Variants in KIAA1217 observed in about 807,000 individuals in gnomAD.
The protein encoded by KIAA1217 is KIAA1217.
A neutral mutation model predicts 163.9 loss-of-function variants in KIAA1217; 88 were observed. That is an observed-to-expected ratio of 0.54 (90% confidence interval 0.45 to 0.64). The LOEUF (loss-of-function observed/expected upper bound fraction) is 0.64, where lower values mean the gene tolerates loss of function less well. Ranked by LOEUF, KIAA1217 falls within the 30% of genes least tolerant of loss-of-function variation. The pLI is 0.00. For synonymous variants in KIAA1217, 903 were observed against 923.1 expected, an observed-to-expected ratio of 0.98 and a Z score of 0.39; for missense variants, 2,372 against 2,475.0, an observed-to-expected ratio of 0.96 and a Z score of 0.88.
chr10:23,901,472 C>T (rs1031581989), intron 1 of KIAA1217, among the ~76,000 whole-genome samples: 2 of 151,926 alleles, frequency 1.3e-5, no homozygotes, highest in African/African-American at 4.8e-5. Flanking sequence ...AGAACACAAC[C>T]ATAAGAAAAT....
At chr10:24,508,637 A>T (rs1381102127) in intron 9 of KIAA1217, among the ~76,000 whole-genome samples, 2 of 152,252 alleles carry the variant, frequency 1.3e-5, no homozygotes, top group Non-Finnish European at 2.9e-5. Context: ...CTTGAGCAAG[A>T]TCACAAGAAT....
chr10:23,792,668 A>ATT (rs898188577), intron 1 of KIAA1217, among the ~76,000 whole-genome samples: 13 of 129,552 alleles, frequency 1.0e-4, no homozygotes, highest in African/African-American at 3.3e-4. Flanking sequence ...AATTTTTTGT[A>ATT]TTTTTTTTTT....
intron 2 of KIAA1217, among the ~76,000 whole-genome samples, chr10:24,109,412 G>C (rs1192684695): frequency 6.6e-6 from 1 of 151,766 alleles, no homozygotes; most frequent in African/African-American, 2.4e-5. Flanking sequence ...ATGTTTGCAA[G>C]ATAGATTACT....
At chr10:23,958,175 A>C (rs913564975) in intron 1 of KIAA1217, among the ~76,000 whole-genome samples, 4 of 152,232 alleles carry the variant, frequency 2.6e-5, no homozygotes, top group African/African-American at 4.8e-5. Flanking sequence ...AATAGAGGGA[A>C]GGTCCTGCCT....
intron 1 of KIAA1217, among the ~76,000 whole-genome samples, chr10:23,797,156 A>T (rs1191235942): frequency 6.6e-6 from 1 of 152,050 alleles, no homozygotes; most frequent in Non-Finnish European, 1.5e-5. Flanking sequence ...TATTGTCCAT[A>T]GTGTTATGTG....
intron 19 of KIAA1217, among the ~76,000 whole-genome samples, 159 bp downstream of exon 19, chr10:24,544,640 C>T (rs986198243): frequency 3.3e-5 from 5 of 151,790 alleles, no homozygotes; most frequent in African/African-American, 1.2e-4. Flanking sequence ...TACTTTCTCC[C>T]TCACCTTCCA....
intron 12 of KIAA1217, among the ~76,000 whole-genome samples, chr10:24,523,095 T>C (rs1451859211): frequency 6.6e-6 from 1 of 152,134 alleles, no homozygotes; most frequent in Non-Finnish European, 1.5e-5. Flanking sequence ...AAGGCTGCAG[T>C]GAGCTATGAT....
At chr10:23,877,236 G>A (rs183884236) in intron 1 of KIAA1217, among the ~76,000 whole-genome samples, 6 of 152,068 alleles carry the variant, frequency 3.9e-5, no homozygotes, top group Admixed American at 3.3e-4. Flanking sequence ...AAGCCCATTG[G>A]CTGTCTTCTC....
rs748169324 is a variant in KIAA1217, at chr10:24,527,939, G to A, written c.2902G>A (p.Ala968Thr). The part of the protein sequence containing the change: ...AKNRAVSIEK[A>T]EKKWEEKRQN... ...TTTACGTGCTATATTCCTCCAGAAA[G>A]CAGAAAAGAAATGGGAGGAAAAAAG... The change falls in exon 14 of 21, where the codon GCA (alanine) becomes ACA (threonine). Residue 968 changes from alanine (A) to threonine (T), a missense_variant. This residue lies in a region of KIAA1217 where 1,431 missense variants were observed against 1,470.3 expected (regional missense o/e 0.97). Transcript: ENST00000376454. 1 of 1,613,118 alleles carries A rather than the reference G, an allele frequency of 6.2e-7. No homozygotes were observed. The highest frequency in any genetic ancestry group is 1.3e-5 in the African/African-American group (1 of 74,956).
chr10:24,408,639 G>T (rs1710059829), intron 3 of KIAA1217, among the ~76,000 whole-genome samples: 1 of 152,086 alleles, frequency 6.6e-6, no homozygotes. Flanking sequence ...CTAGTTTATT[G>T]GCAACAACCT....
At chr10:24,340,776 C>T (rs753141071) in intron 2 of KIAA1217, among the ~76,000 whole-genome samples, 5 of 152,214 alleles carry the variant, frequency 3.3e-5, no homozygotes, top group Non-Finnish European at 5.9e-5. Flanking sequence ...ATGTAATTGA[C>T]TGCCCCACGT....
chr10:24,258,753 C>T (rs1051961084), intron 2 of KIAA1217, among the ~76,000 whole-genome samples: 3 of 152,156 alleles, frequency 2.0e-5, no homozygotes, highest in South Asian at 2.1e-4. Context: ...CCACCAAGCC[C>T]GGCTAATTTT....
At chr10:23,899,029 C>T (rs1395096166) in intron 1 of KIAA1217, among the ~76,000 whole-genome samples, 1 of 152,106 alleles carries the variant, frequency 6.6e-6, no homozygotes, top group African/African-American at 2.4e-5. Flanking sequence ...TATCATACCA[C>T]TATTTCATAA....
intron 1 of KIAA1217, among the ~76,000 whole-genome samples, chr10:23,888,044 C>A (rs538295069): frequency 7.2e-5 from 11 of 151,988 alleles, no homozygotes; most frequent in South Asian, 2.1e-4. Flanking sequence ...AATGGACAAC[C>A]TCTGTAAAAT....
intron 6 of KIAA1217, among the ~76,000 whole-genome samples, chr10:24,492,190 G>A (rs779196993): frequency 6.6e-6 from 1 of 152,172 alleles, no homozygotes; most frequent in Admixed American, 6.5e-5. Flanking sequence ...GTGGCAGGAA[G>A]AGTGACCAAC....
At chr10:24,453,020 A>C (rs1345273228) in intron 5 of KIAA1217, among the ~76,000 whole-genome samples, 1 of 152,244 alleles carries the variant, frequency 6.6e-6, no homozygotes, top group Non-Finnish European at 1.5e-5. Flanking sequence ...CTTAGACATC[A>C]TCTTTTGTAA....
intron 1 of KIAA1217, among the ~76,000 whole-genome samples, chr10:23,925,143 A>G (rs1030802946): frequency 1.3e-5 from 2 of 152,094 alleles, no homozygotes; most frequent in African/African-American, 4.8e-5. Context: ...AGCAAGACAG[A>G]AGGAAGATAG....
intron 2 of KIAA1217, among the ~76,000 whole-genome samples, chr10:24,304,530 C>CG (rs2041783374): frequency 6.6e-6 from 1 of 151,776 alleles, no homozygotes; most frequent in South Asian, 2.1e-4. Context: ...TTTATAGGGA[C>CG]GGGGTCTCGT....
At chr10:23,993,553 C>CTTTTTTTTTTTTTTTT (rs200437343) in intron 1 of KIAA1217, among the ~76,000 whole-genome samples, 744 of 68,910 alleles carry the variant, frequency 0.011, 202 homozygotes, top group African/African-American at 0.028. Context: ...CATAGCCCAG[C>CTTTTTTTTTTTTTTTT]TTTTTTTTTT....
Sources: gnomAD v4.1 joint callset for allele counts (sites outside exome capture counted in the v4.1 genomes callset) on GRCh38, gnomAD v4.1.1 for gene constraint, gnomAD v4.1.1 regional missense constraint, MANE v1.5 for transcripts, NCBI Gene and HGNC (gene_info 2026-07-23, HGNC 2026-07-21) for gene names.